The following RPS6KC1 variants were observed in gnomAD, a reference collection of about 807,000 sequenced individuals.
RPS6KC1 encodes inactive ribosomal protein S6 kinase delta-1.
A neutral mutation model predicts 103.8 loss-of-function variants in RPS6KC1; 54 were observed. The ratio of observed to expected loss-of-function variants is 0.52; its 90% CI spans 0.42 to 0.65. The LOEUF (loss-of-function observed/expected upper bound fraction) is 0.65. RPS6KC1 is among the 30% of genes least tolerant of loss of function. The probability of loss-of-function intolerance (pLI) is 0.00; values close to 1 mark genes in which losing one functional copy is unlikely to be tolerated. For synonymous variants in RPS6KC1, 439 were observed against 438.7 expected (o/e 1.00, Z -0.01); for missense variants, 1,151 against 1,253.8 (o/e 0.92, Z 1.24).
At chr1:213,195,789 TTTA>T (rs1275056200) in intron 8 of RPS6KC1, among the ~76,000 whole-genome samples, 4 of 152,110 alleles carry the variant, frequency 2.6e-5, no homozygotes, top group Non-Finnish European at 5.9e-5. Context: ...ATGCCATTAT[TTTA>T]TTATTTTTAT....
At chr1:213,233,730 A>T (rs1322034255) in intron 10 of RPS6KC1, among the ~76,000 whole-genome samples, 2 of 152,062 alleles carry the variant, frequency 1.3e-5, no homozygotes, top group African/African-American at 4.8e-5. Context: ...TAATCTCTTA[A>T]AATCATAGAC....
At chr1:213,066,403 A>G (rs78380671) in intron 1 of RPS6KC1, among the ~76,000 whole-genome samples, 1 of 152,228 alleles carries the variant, frequency 6.6e-6, no homozygotes, top group African/African-American at 2.4e-5. Context: ...AACCCTGTCT[A>G]AATTTCCTCC....
chr1:213,846,128 TAAAAAAA>T, the RPS6KC1 span, among the ~76,000 whole-genome samples: 137 of 82,836 alleles, frequency 1.7e-3, no homozygotes, highest in Non-Finnish European at 2.5e-3. Context: ...CCGTCTCAAC[TAAAAAAA>T]AAAAAAAAAA....
chr1:213,612,150 A>G, the RPS6KC1 span, among the ~76,000 whole-genome samples: 7 of 152,168 alleles, frequency 4.6e-5, no homozygotes, highest in Non-Finnish European at 1.0e-4. Context: ...CTTGGGCTCC[A>G]CCCCAGACCT....
the RPS6KC1 span, among the ~76,000 whole-genome samples, chr1:213,407,745 T>C: frequency 1.1e-4 from 17 of 152,306 alleles, no homozygotes; most frequent in African/African-American, 4.1e-4. Context: ...CTTTTGTTGG[T>C]CTATGTGAGT....
the RPS6KC1 span, among the ~76,000 whole-genome samples, chr1:213,662,936 A>G: frequency 6.6e-6 from 1 of 152,214 alleles, no homozygotes; most frequent in East Asian, 1.9e-4. Context: ...TTGGTGAGCT[A>G]CAGCATCCGA....
chr1:213,393,920 G>A, the RPS6KC1 span, among the ~76,000 whole-genome samples: 1 of 152,276 alleles, frequency 6.6e-6, no homozygotes, highest in African/African-American at 2.4e-5. Context: ...AGGAGAGAGG[G>A]AGAGGCTGAG....
At chr1:213,163,430 A>G (rs1272717580) in intron 6 of RPS6KC1, among the ~76,000 whole-genome samples, 2 of 152,232 alleles carry the variant, frequency 1.3e-5, no homozygotes, top group African/African-American at 2.4e-5. Flanking sequence ...GCAGAAATCA[A>G]ATAGAGTCAA....
the RPS6KC1 span, among the ~76,000 whole-genome samples, chr1:213,862,658 C>G: frequency 6.6e-6 from 1 of 152,174 alleles, no homozygotes. Flanking sequence ...GAACTCAAAT[C>G]CTTGTTTACA....
At chr1:213,382,502 G>T in the RPS6KC1 span, among the ~76,000 whole-genome samples, 2 of 150,686 alleles carry the variant, frequency 1.3e-5, no homozygotes, top group Non-Finnish European at 2.9e-5. Context: ...GATGTAGGGG[G>T]TTCCATTTTT....
the RPS6KC1 span, among the ~76,000 whole-genome samples, chr1:213,745,545 G>A: frequency 6.6e-6 from 1 of 152,058 alleles, no homozygotes; most frequent in East Asian, 1.9e-4. Context: ...TTCAAACACC[G>A]GCATTGATCT....
chr1:213,127,204 G>A (rs1332506480), intron 5 of RPS6KC1, among the ~76,000 whole-genome samples: 1 of 152,092 alleles, frequency 6.6e-6, no homozygotes, highest in Non-Finnish European at 1.5e-5. Flanking sequence ...ATAATGCCAG[G>A]ACATTCTTTG....
intron 14 of RPS6KC1, among the ~76,000 whole-genome samples, chr1:213,266,596 G>A (rs1396440980): frequency 6.6e-6 from 1 of 152,066 alleles, no homozygotes; most frequent in Non-Finnish European, 1.5e-5. Flanking sequence ...CAATCTGAAA[G>A]GTGTTTATGC....
At chr1:213,211,729 A>G (rs978357352) in intron 8 of RPS6KC1, among the ~76,000 whole-genome samples, 1 of 152,168 alleles carries the variant, frequency 6.6e-6, no homozygotes, top group Non-Finnish European at 1.5e-5. Context: ...GCTTATGTTC[A>G]TTGACATTTG....
chr1:213,287,086 A>G, the RPS6KC1 span, among the ~76,000 whole-genome samples: 6 of 152,236 alleles, frequency 3.9e-5, no homozygotes, highest in Admixed American at 3.3e-4. Flanking sequence ...AGACTAAACA[A>G]TAGTATCTAG....
the RPS6KC1 span, among the ~76,000 whole-genome samples, chr1:213,759,108 C>T: frequency 6.6e-6 from 1 of 152,090 alleles, no homozygotes; most frequent in African/African-American, 2.4e-5. Context: ...ATTGTCATAG[C>T]CACCCCAGCC....
At chr1:213,197,873 A>G (rs1573201968) in intron 8 of RPS6KC1, among the ~76,000 whole-genome samples, 1 of 152,160 alleles carries the variant, frequency 6.6e-6, no homozygotes, top group Non-Finnish European at 1.5e-5. Context: ...CTTGAAGACA[A>G]CAGATACTTG....
At chr1:213,819,605 G>C in the RPS6KC1 span, 1 of 152,228 alleles carries the variant, frequency 6.6e-6, no homozygotes, top group Non-Finnish European at 1.5e-5. Flanking sequence ...CTTATATGCA[G>C]AGGAAGATAA....
chr1:213,174,413 C>T (rs2091706834), intron 7 of RPS6KC1, among the ~76,000 whole-genome samples: 2 of 152,146 alleles, frequency 1.3e-5, no homozygotes, highest in African/African-American at 4.8e-5. Context: ...CTTATGCCTT[C>T]AGTCCCAGCA....
Sources: allele counts gnomAD v4.1 joint callset (sites outside exome capture counted in the v4.1 genomes callset), GRCh38; gene constraint gnomAD v4.1.1; transcripts MANE v1.5; gene names NCBI Gene and HGNC (gene_info 2026-07-23, HGNC 2026-07-21).